The following RTTN variants were observed in gnomAD, a reference collection of about 807,000 sequenced individuals.
The protein encoded by RTTN is rotatin.
A neutral mutation model predicts 269.2 loss-of-function variants in RTTN; 182 were observed. That is an observed-to-expected ratio of 0.68 (90% CI 0.60 to 0.76). RTTN has a LOEUF of 0.76. Ranked by LOEUF, RTTN falls within the 30% of genes least tolerant of loss-of-function variation. The pLI, the probability that RTTN is intolerant of heterozygous loss-of-function variation, is 0.00. For synonymous variants in RTTN, 1,006 were observed against 963.5 expected (o/e 1.04, Z -0.82); for missense variants, 2,545 against 2,608.6 (o/e 0.98, Z 0.53).
chr18:70,016,479 A>G (rs73970812), intron 46 of RTTN, among the ~76,000 whole-genome samples: 5,960 of 152,248 alleles, frequency 0.039, 215 homozygotes, highest in African/African-American at 0.095. Context: ...GTGATGCCCT[A>G]GTGCTGGCAT....
At chr18:70,026,412 T>C (rs1199430646) in intron 43 of RTTN, among the ~76,000 whole-genome samples, 1 of 152,122 alleles carries the variant, frequency 6.6e-6, no homozygotes, top group Non-Finnish European at 1.5e-5. Flanking sequence ...TCATGAGATC[T>C]GGTCATTTAA....
At chr18:70,131,197 T>G (rs1029253082) in intron 23 of RTTN, 2 of 147,110 alleles carry the variant, frequency 1.4e-5, no homozygotes, top group African/African-American at 5.0e-5. Flanking sequence ...GTGCACTACA[T>G]TAAATAATAA....
chr18:70,132,227 C>T (rs1568435197), intron 23 of RTTN, among the ~76,000 whole-genome samples: 1 of 152,122 alleles, frequency 6.6e-6, no homozygotes, highest in Non-Finnish European at 1.5e-5. Context: ...TCTCTGCTAC[C>T]TGAAAGAACT....
At chr18:70,136,274 A>G (rs2060121974) in intron 21 of RTTN, among the ~76,000 whole-genome samples, 1 of 152,142 alleles carries the variant, frequency 6.6e-6, no homozygotes, top group African/African-American at 2.4e-5. Context: ...TTTTTAAACA[A>G]CACTTGAAAC....
chr18:70,061,542 A>T, intron 35 of RTTN: 1 of 344,210 alleles, frequency 2.9e-6, no homozygotes, highest in South Asian at 2.2e-5. Flanking sequence ...GCACATAAAC[A>T]TATTTTATCT....
chr18:70,112,179 C>T (rs1284853844), intron 27 of RTTN, among the ~76,000 whole-genome samples: 5 of 152,110 alleles, frequency 3.3e-5, no homozygotes, highest in African/African-American at 9.7e-5. Flanking sequence ...AAGGAAAAAC[C>T]GGTACCAGCC....
At chr18:70,054,039 A>C (rs879849905) in intron 38 of RTTN, 92 bp downstream of exon 38, 18 of 1,122,708 alleles carry the variant, frequency 1.6e-5, no homozygotes, top group Non-Finnish European at 2.2e-5. Flanking sequence ...AGAAACTCAA[A>C]AAGTAACCTT....
chr18:70,119,073 C>T (rs909589643), intron 26 of RTTN, among the ~76,000 whole-genome samples: 1 of 151,936 alleles, frequency 6.6e-6, no homozygotes, highest in Non-Finnish European at 1.5e-5. Context: ...TACTGGAAAT[C>T]CTAGCCAGAG....
At chr18:70,174,681 T>C (rs1455062818) in intron 11 of RTTN, among the ~76,000 whole-genome samples, 1 of 147,880 alleles carries the variant, frequency 6.8e-6, no homozygotes, top group Non-Finnish European at 1.5e-5. Context: ...TTTAATTAAA[T>C]GGAAAATGTA....
intron 34 of RTTN, among the ~76,000 whole-genome samples, chr18:70,066,267 T>G (rs1007837480): frequency 6.6e-6 from 1 of 152,166 alleles, no homozygotes; most frequent in Non-Finnish European, 1.5e-5. Context: ...ATTGTGATAT[T>G]TTGCATTTCT....
chr18:70,017,451 T>C lies in RTTN; in HGVS notation c.6377A>G (p.Asn2126Ser), dbSNP rs780535404. 2 of 1,614,018 alleles carry C rather than the reference T, an allele frequency of 1.2e-6. No homozygotes were observed. The highest frequency in any genetic ancestry group is 1.7e-5 in the Admixed American group (1 of 60,006). Residue 2126 changes from asparagine (N) to serine (S), a missense_variant, in exon 46 of 49, where the codon AAT becomes AGT. Coordinates refer to ENST00000640769, the MANE Select transcript of RTTN (RefSeq NM_173630.4). ...SPLLPLLIFH[N>S]VCFSPANKPK... ...TTTATTTGCAGGACTGAAGCAAACA[T>C]TATGAAAGATAAGAAGAGGCAATAA...
intron 35 of RTTN, among the ~76,000 whole-genome samples, chr18:70,064,960 C>G (rs1281240967): frequency 6.6e-6 from 1 of 152,018 alleles, no homozygotes; most frequent in Non-Finnish European, 1.5e-5. Flanking sequence ...TTTAAATAAT[C>G]TGAGTTTGCT....
intron 9 of RTTN, among the ~76,000 whole-genome samples, chr18:70,190,328 T>C (rs2061641650): frequency 6.6e-6 from 1 of 151,494 alleles, no homozygotes; most frequent in Non-Finnish European, 1.5e-5. Context: ...ACTCATAAAA[T>C]GGAAGGGCAA....
intron 30 of RTTN, chr18:70,091,756 CTTTTT>C: frequency 6.8e-6 from 1 of 146,568 alleles, no homozygotes; most frequent in Non-Finnish European, 1.5e-5. Flanking sequence ...TGTTTTGTGT[CTTTTT>C]TTTTTTTTTG....
At chr18:70,032,099 C>T (rs989919819) in intron 40 of RTTN, among the ~76,000 whole-genome samples, 7 of 152,278 alleles carry the variant, frequency 4.6e-5, no homozygotes, top group African/African-American at 1.7e-4. Flanking sequence ...GTGTCTATAG[C>T]GGAGCATGGC....
chr18:70,156,090 C>T (rs926544941), intron 14 of RTTN, among the ~76,000 whole-genome samples: 1 of 152,162 alleles, frequency 6.6e-6, no homozygotes, highest in Non-Finnish European at 1.5e-5. Context: ...AACAGAATAA[C>T]AGCAACGTTC....
At chr18:70,150,111 A>C (rs559382904) in intron 15 of RTTN, 24 bp from the exon 16 acceptor site, 3 of 1,486,986 alleles carry the variant, frequency 2.0e-6, no homozygotes, top group Non-Finnish European at 2.8e-6. Context: ...CAGACCCGAT[A>C]AACCAGTCAA....
Position 70,003,403 on chromosome 18 carries a change from C to T in RTTN, c.*748G>A, listed in dbSNP as rs1396094835. The T allele has an allele frequency of 1.3e-5, 2 of 152,096 alleles. No homozygotes were observed. The highest frequency in any genetic ancestry group is 2.9e-5 in the Non-Finnish European group (2 of 68,026). 9.4% of individuals were successfully genotyped at this position (152,096 alleles called of 1,614,324 possible). On this transcript the variant is annotated 3_prime_UTR_variant, in exon 49 of 49. Transcript: ENST00000640769. ...GTTTTGGGCTGAGCTAAATTTGAAC[C>T]CAGGCTTATACAGCCCCAACTCTAT... is the stretch of plus-strand genomic sequence containing the variant.
At chr18:70,124,437 T>A (rs920788906) in intron 25 of RTTN, among the ~76,000 whole-genome samples, 2 of 151,946 alleles carry the variant, frequency 1.3e-5, no homozygotes, top group Admixed American at 1.3e-4. Context: ...CACATGACAA[T>A]CAGGGTAACT....
Sources: gnomAD v4.1 joint callset for allele counts (sites outside exome capture counted in the v4.1 genomes callset) on GRCh38, gnomAD v4.1.1 for gene constraint, MANE v1.5 for transcripts, NCBI Gene and HGNC (gene_info 2026-07-23, HGNC 2026-07-21) for gene names.